Variants in CCDC171 observed in about 807,000 individuals in gnomAD.
The protein encoded by CCDC171 is coiled-coil domain-containing protein 171.
CCDC171 carries 177 observed loss-of-function variants against 168.2 expected under a neutral mutation model. That is an observed-to-expected ratio of 1.05 (90% CI 0.93 to 1.19). CCDC171 has a LOEUF of 1.19. CCDC171 is among the 50% of genes most tolerant of loss of function. The pLI, the probability that CCDC171 is intolerant of heterozygous loss-of-function variation, is 0.00. For missense variants in CCDC171, 1,991 were observed against 1,539.0 expected, an observed-to-expected ratio of 1.29 and a Z score of -4.91; for synonymous variants, 687 against 540.8, an observed-to-expected ratio of 1.27 and a Z score of -3.75.
At chr9:15,930,536 C>T (rs148530273) in intron 25 of CCDC171, among the ~76,000 whole-genome samples, 35 of 151,644 alleles carry the variant, frequency 2.3e-4, no homozygotes, top group African/African-American at 7.7e-4. Context: ...CATACATAGA[C>T]ATAAAATTAC....
intron 7 of CCDC171, among the ~76,000 whole-genome samples, chr9:15,653,919 TA>T (rs1564145491): frequency 6.6e-6 from 1 of 152,100 alleles, no homozygotes; most frequent in Non-Finnish European, 1.5e-5. Context: ...GATTGGGGTT[TA>T]AAAAAATTCT....
intron 1 of CCDC171, among the ~76,000 whole-genome samples, chr9:15,561,353 A>G (rs776414733): frequency 3.3e-5 from 5 of 152,164 alleles, no homozygotes; most frequent in African/African-American, 1.2e-4. Context: ...TTTCAAATGG[A>G]AAGTAATATT....
chr9:15,664,627 A>G (rs1022056219), intron 8 of CCDC171, among the ~76,000 whole-genome samples: 5 of 137,820 alleles, frequency 3.6e-5, no homozygotes, highest in African/African-American at 8.1e-5. Context: ...ACAGCTACAT[A>G]TAATTATTTT....
At chr9:16,081,081 G>C in the CCDC171 span, among the ~76,000 whole-genome samples, 1 of 152,066 alleles carries the variant, frequency 6.6e-6, no homozygotes, top group African/African-American at 2.4e-5. Context: ...TGCGAGTAGC[G>C]GGCCACCTCT....
intron 20 of CCDC171, among the ~76,000 whole-genome samples, chr9:15,781,469 G>A (rs187012362): frequency 1.8e-4 from 27 of 152,262 alleles, no homozygotes; most frequent in African/African-American, 6.3e-4. Flanking sequence ...CCAGGCCGGA[G>A]TGCAGTGGTA....
intron 11 of CCDC171, among the ~76,000 whole-genome samples, chr9:15,720,591 C>G (rs1392009910): frequency 6.6e-6 from 1 of 151,862 alleles, no homozygotes; most frequent in East Asian, 1.9e-4. Flanking sequence ...GAAGAAATAA[C>G]AAGAAAAGAA....
intron 23 of CCDC171, among the ~76,000 whole-genome samples, chr9:15,851,735 A>G (rs911813994): frequency 5.9e-5 from 9 of 151,890 alleles, no homozygotes; most frequent in African/African-American, 2.2e-4. Flanking sequence ...ATTATTTCTT[A>G]TATCCCTTTC....
intron 23 of CCDC171, among the ~76,000 whole-genome samples, chr9:15,862,661 G>A (rs2061611158): frequency 1.3e-5 from 2 of 150,952 alleles, no homozygotes; most frequent in Non-Finnish European, 2.9e-5. Context: ...ATCTCTCTCA[G>A]ACTTCAAGGA....
At chr9:15,995,377 G>A (rs958677547) in intron 3 of CCDC171, among the ~76,000 whole-genome samples, 2 of 152,238 alleles carry the variant, frequency 1.3e-5, no homozygotes, top group Non-Finnish European at 2.9e-5. Flanking sequence ...TGTGAAAGAT[G>A]TCCCTGGTGA....
chr9:15,870,479 A>G (rs1482960166), intron 23 of CCDC171, among the ~76,000 whole-genome samples: 2 of 151,946 alleles, frequency 1.3e-5, no homozygotes, highest in Non-Finnish European at 2.9e-5. Flanking sequence ...ATTGAAGCAG[A>G]TTAAAAGTAT....
intron 7 of CCDC171, among the ~76,000 whole-genome samples, chr9:15,643,858 T>C (rs2046828964): frequency 6.6e-6 from 1 of 152,228 alleles, no homozygotes; most frequent in Non-Finnish European, 1.5e-5. Flanking sequence ...CTTTTACTTT[T>C]TTTATATATG....
chr9:15,851,089 T>C (rs2061107725), intron 23 of CCDC171, among the ~76,000 whole-genome samples: 1 of 152,032 alleles, frequency 6.6e-6, no homozygotes, highest in South Asian at 2.1e-4. Flanking sequence ...CTGCAGACGT[T>C]ATTTCTTTTC....
At chr9:15,970,047 A>G (rs1831190455) in intron 25 of CCDC171, among the ~76,000 whole-genome samples, 1 of 152,206 alleles carries the variant, frequency 6.6e-6, no homozygotes, top group Non-Finnish European at 1.5e-5. Context: ...AGCTATTTCA[A>G]GTGACCATTT....
intron 11 of CCDC171, among the ~76,000 whole-genome samples, chr9:15,709,773 C>G (rs1445872127): frequency 6.6e-6 from 1 of 152,144 alleles, no homozygotes; most frequent in African/African-American, 2.4e-5. Context: ...GTAAAGTTTA[C>G]TTCAAAAAAG....
chr9:15,901,434 G>A (rs2131635097), intron 24 of CCDC171, among the ~76,000 whole-genome samples: 1 of 152,248 alleles, frequency 6.6e-6, no homozygotes, highest in South Asian at 2.1e-4. Flanking sequence ...GGGTTTATGT[G>A]TATAGGGGCA....
intron 6 of CCDC171, among the ~76,000 whole-genome samples, chr9:15,615,803 G>A (rs1238038792): frequency 6.7e-6 from 1 of 150,116 alleles, no homozygotes; most frequent in Non-Finnish European, 1.5e-5. Context: ...TCTTCAGACA[G>A]GGTCTCACTC....
At chr9:15,680,298 T>C (rs2133446154) in intron 10 of CCDC171, among the ~76,000 whole-genome samples, 1 of 152,356 alleles carries the variant, frequency 6.6e-6, no homozygotes, top group South Asian at 2.1e-4. Flanking sequence ...AAGTTTATGG[T>C]AATACTGTAT....
intron 14 of CCDC171, among the ~76,000 whole-genome samples, chr9:15,725,435 T>G (rs1433969393): frequency 6.6e-6 from 1 of 152,148 alleles, no homozygotes; most frequent in Admixed American, 6.6e-5. Flanking sequence ...CCTCTCCACA[T>G]CTTCGTTTCC....
intron 18 of CCDC171, among the ~76,000 whole-genome samples, chr9:15,770,846 CA>C (rs1212743098): frequency 6.6e-6 from 1 of 152,150 alleles, no homozygotes; most frequent in Non-Finnish European, 1.5e-5. Flanking sequence ...AAAAATCACT[CA>C]AAGGGTCACC....
Sources: allele counts gnomAD v4.1 joint callset (sites outside exome capture counted in the v4.1 genomes callset), GRCh38; gene constraint gnomAD v4.1.1; transcripts MANE v1.5; gene names NCBI Gene and HGNC (gene_info 2026-07-23, HGNC 2026-07-21).